Variants in CATSPERT observed in about 807,000 individuals in gnomAD.
CATSPERT encodes the protein catsper channel auxiliary subunit tau.
At chr2:201,580,687 TG>T in the CATSPERT span, among the ~76,000 whole-genome samples, 42 of 152,216 alleles carry the variant, frequency 2.8e-4, no homozygotes, top group African/African-American at 9.4e-4. Flanking sequence ...ACTTCCTTGC[TG>T]TATGTAACAA....
chr2:201,497,177 A>C, the CATSPERT span, among the ~76,000 whole-genome samples: 3 of 152,242 alleles, frequency 2.0e-5, no homozygotes, highest in Non-Finnish European at 4.4e-5. Flanking sequence ...TTAAGCAGTT[A>C]ATAAATGACC....
At chr2:201,599,008 C>T in the CATSPERT span, among the ~76,000 whole-genome samples, 4 of 152,128 alleles carry the variant, frequency 2.6e-5, no homozygotes, top group African/African-American at 9.7e-5. Flanking sequence ...CTAGCCAATC[C>T]TAAACTGGTT....
At chr2:201,589,248 A>C in the CATSPERT span, among the ~76,000 whole-genome samples, 1 of 152,212 alleles carries the variant, frequency 6.6e-6, no homozygotes, top group Non-Finnish European at 1.5e-5. Context: ...AGAACTAGAG[A>C]AAACTACTTT....
At chr2:201,606,511 C>A in the CATSPERT span, among the ~76,000 whole-genome samples, 4 of 152,096 alleles carry the variant, frequency 2.6e-5, no homozygotes, top group Non-Finnish European at 5.9e-5. Context: ...ACAGGCATTC[C>A]AGATAACATT....
chr2:201,604,553 G>A, the CATSPERT span: 13 of 1,170,338 alleles, frequency 1.1e-5, no homozygotes, highest in African/African-American at 1.6e-5. Flanking sequence ...TGCATATACT[G>A]TTTGATTATC....
At chr2:201,511,739 A>G in the CATSPERT span, 2 of 149,266 alleles carry the variant, frequency 1.3e-5, no homozygotes, top group Non-Finnish European at 3.0e-5. Flanking sequence ...TGAATCAGCT[A>G]TGAGTTGAAA....
chr2:201,557,193 T>A, the CATSPERT span: 7 of 152,344 alleles, frequency 4.6e-5, no homozygotes, highest in South Asian at 1.5e-3. Context: ...ATATGATACA[T>A]AAATTTAAAT....
chr2:201,618,415 A>G, the CATSPERT span, among the ~76,000 whole-genome samples: 149 of 152,270 alleles, frequency 9.8e-4, 1 homozygote, highest in African/African-American at 3.5e-3. Flanking sequence ...TTGTGGGGTC[A>G]TGGATGAAGC....
the CATSPERT span, among the ~76,000 whole-genome samples, chr2:201,552,065 C>T: frequency 6.6e-6 from 1 of 151,660 alleles, no homozygotes; most frequent in Non-Finnish European, 1.5e-5. Context: ...ATCTCGGCCC[C>T]GTGTGATCTC....
chr2:201,510,692 G>T, the CATSPERT span, among the ~76,000 whole-genome samples: 1 of 151,634 alleles, frequency 6.6e-6, no homozygotes, highest in African/African-American at 2.4e-5. Flanking sequence ...ATATTGGTAA[G>T]TTCTTACGTC....
the CATSPERT span, chr2:201,491,195 G>A: frequency 1.3e-6 from 2 of 1,534,904 alleles, no homozygotes; most frequent in Non-Finnish European, 1.7e-6. Flanking sequence ...GCAGTCCAGT[G>A]AAGCAGTGTC....
At chr2:201,520,407 C>T in the CATSPERT span, among the ~76,000 whole-genome samples, 1 of 152,138 alleles carries the variant, frequency 6.6e-6, no homozygotes, top group African/African-American at 2.4e-5. Context: ...CAGGAATGAC[C>T]ATATGTTAGG....
At chr2:201,609,813 T>G in the CATSPERT span, among the ~76,000 whole-genome samples, 4 of 151,842 alleles carry the variant, frequency 2.6e-5, no homozygotes, top group African/African-American at 4.8e-5. Context: ...AACCTAAAAT[T>G]AGTGGAAGAA....
At chr2:201,491,605 A>G in the CATSPERT span, 3 of 1,537,152 alleles carry the variant, frequency 2.0e-6, no homozygotes, top group Non-Finnish European at 2.6e-6. Flanking sequence ...GAAATGAGTT[A>G]AAGTGCTACT....
the CATSPERT span, among the ~76,000 whole-genome samples, chr2:201,500,065 A>AT: frequency 1.3e-5 from 2 of 151,780 alleles, no homozygotes; most frequent in Non-Finnish European, 2.9e-5. Flanking sequence ...AAGAACTTAC[A>AT]TTTTTTTAAG....
chr2:201,597,218 C>T, the CATSPERT span, among the ~76,000 whole-genome samples: 1 of 152,164 alleles, frequency 6.6e-6, no homozygotes, highest in African/African-American at 2.4e-5. Flanking sequence ...AATTCTGGGA[C>T]TATTTAATGA....
chr2:201,605,906 A>T, the CATSPERT span, among the ~76,000 whole-genome samples: 6 of 152,320 alleles, frequency 3.9e-5, no homozygotes, highest in African/African-American at 1.4e-4. Flanking sequence ...AGAAATTTTT[A>T]AAAAAGACAA....
At chr2:201,547,160 T>C in the CATSPERT span, among the ~76,000 whole-genome samples, 1 of 152,094 alleles carries the variant, frequency 6.6e-6, no homozygotes, top group Non-Finnish European at 1.5e-5. Flanking sequence ...CTAAAGGGTA[T>C]GGGGTTGCTT....
the CATSPERT span, among the ~76,000 whole-genome samples, chr2:201,563,344 T>G: frequency 4.9e-4 from 56 of 114,500 alleles, no homozygotes; most frequent in South Asian, 1.4e-3. Flanking sequence ...CCTCCCGGAC[T>G]GGGCGGCTGG....
Sources: gnomAD v4.1 joint callset for allele counts (sites outside exome capture counted in the v4.1 genomes callset) on GRCh38, gnomAD v4.1.1 for gene constraint, MANE v1.5 for transcripts, NCBI Gene and HGNC (gene_info 2026-07-23, HGNC 2026-07-21) for gene names.